ANO2: variants seen among roughly 807,000 people sequenced by gnomAD.
The protein encoded by ANO2 is anoctamin 2, also known as anoctamin-2.
Under a neutral mutation model 124.2 loss-of-function variants are expected in ANO2, and 101 were observed. That is an observed-to-expected ratio of 0.81 (90% CI 0.69 to 0.96). The LOEUF (loss-of-function observed/expected upper bound fraction) is 0.96. Ranked by LOEUF, ANO2 falls within the 40% of genes least tolerant of loss-of-function variation. The pLI, the probability that ANO2 is intolerant of heterozygous loss-of-function variation, is 0.00. For synonymous variants in ANO2, 486 were observed against 482.5 expected, an observed-to-expected ratio of 1.01 and a Z score of -0.09; for missense variants, 1,293 against 1,274.5, an observed-to-expected ratio of 1.01 and a Z score of -0.22.
intron 1 of ANO2, among the ~76,000 whole-genome samples, chr12:5,943,277 TTGTGTG>T (rs138167836): frequency 0.053 from 7,793 of 148,122 alleles, 541 homozygotes; most frequent in African/African-American, 0.16. Context: ...GAGTGTGTGT[TTGTGTG>T]TGTGTGTGTG....
At chr12:5,826,219 T>C (rs540922208) in intron 7 of ANO2, among the ~76,000 whole-genome samples, 11 of 152,220 alleles carry the variant, frequency 7.2e-5, no homozygotes, top group African/African-American at 2.6e-4. Context: ...TTACGTTAGG[T>C]GTAATTATGA....
At chr12:5,744,379 T>C in intron 11 of ANO2, 62 bp from the exon 12 acceptor site, 1 of 1,582,028 alleles carries the variant, frequency 6.3e-7, no homozygotes, top group Non-Finnish European at 8.7e-7. Flanking sequence ...CCAAGAAAAA[T>C]ACATCCCCCA....
intron 14 of ANO2, among the ~76,000 whole-genome samples, chr12:5,708,196 C>T (rs933137912): frequency 2.6e-5 from 4 of 152,192 alleles, no homozygotes; most frequent in Non-Finnish European, 2.9e-5. Flanking sequence ...GTCGTATCTA[C>T]ACCTCCTTCT....
chr12:5,567,560 C>G (rs892361660), intron 23 of ANO2, among the ~76,000 whole-genome samples: 2 of 152,248 alleles, frequency 1.3e-5, no homozygotes, highest in African/African-American at 4.8e-5. Flanking sequence ...CCAATCCCTA[C>G]TGCTACAATG....
intron 10 of ANO2, among the ~76,000 whole-genome samples, chr12:5,790,450 TCTC>T (rs1952665140): frequency 6.6e-6 from 1 of 152,132 alleles, no homozygotes; most frequent in Non-Finnish European, 1.5e-5. Context: ...CTTAGCCCCT[TCTC>T]AAGTCTCTTC....
chr12:5,610,182 C>A (rs1944430529), intron 19 of ANO2, among the ~76,000 whole-genome samples: 2 of 70,450 alleles, frequency 2.8e-5, no homozygotes, highest in South Asian at 6.4e-4. Context: ...TATATAAATA[C>A]TTATATAAAT....
chr12:5,913,838 C>A (rs1280583824), intron 3 of ANO2, among the ~76,000 whole-genome samples: 1 of 152,214 alleles, frequency 6.6e-6, no homozygotes, highest in Admixed American at 6.5e-5. Flanking sequence ...TAGATTAAAT[C>A]TCACTCTAAA....
At chr12:5,780,117 G>C (rs565030552) in intron 10 of ANO2, among the ~76,000 whole-genome samples, 1 of 152,268 alleles carries the variant, frequency 6.6e-6, no homozygotes, top group South Asian at 2.1e-4. Flanking sequence ...ATTACTTCAA[G>C]AGTAAAGTGG....
chr12:5,736,160 C>G (rs572353472), intron 13 of ANO2, among the ~76,000 whole-genome samples: 2 of 152,230 alleles, frequency 1.3e-5, no homozygotes, highest in Admixed American at 1.3e-4. Flanking sequence ...ACAGGCAGAC[C>G]TGCACTGGCC....
intron 3 of ANO2, among the ~76,000 whole-genome samples, chr12:5,905,523 A>T (rs1940616006): frequency 6.6e-6 from 1 of 152,182 alleles, no homozygotes. Context: ...GAGAGCAGGT[A>T]TTCCTGGCAA....
In ANO2 at chr12:5,603,944, C is replaced by CAAAAAAAAA. The variant is rs63415160; in HGVS notation, c.2088-4324_2088-4316dup. ...TGGGTGAAAGAGCGAGATTCCGTCT[C>CAAAAAAAAA]AAAAAAAAAAAAAAAAAAAAAGAAA... On this transcript the variant is annotated intron_variant, in intron 19 of 24. Coordinates refer to ENST00000682330, the MANE Select transcript of ANO2 (RefSeq NM_001364791.2). Among the ~76,000 whole-genome samples the CAAAAAAAAA allele has an allele frequency of 2.9e-3, 210 of 73,066 alleles. 1 individual carries two copies. The highest frequency in any genetic ancestry group is 0.012 in the Middle Eastern group (1 of 82). 47.9% of individuals were successfully genotyped at this position (73,066 alleles called of 152,430 possible). A position where few individuals can be genotyped will look rare whatever the true frequency, so the allele number is the denominator to read the frequency against.
At chr12:5,748,338 T>C (rs1050443275) in intron 11 of ANO2, among the ~76,000 whole-genome samples, 2 of 152,208 alleles carry the variant, frequency 1.3e-5, no homozygotes, top group Admixed American at 1.3e-4. Context: ...TGAGGCCAGA[T>C]GTCTAGGGAT....
At chr12:5,903,278 G>A (rs1405176570) in intron 3 of ANO2, among the ~76,000 whole-genome samples, 2 of 152,110 alleles carry the variant, frequency 1.3e-5, no homozygotes, top group East Asian at 3.9e-4. Context: ...CTTTGGACCT[G>A]ATATTAAGAA....
chr12:5,707,761 C>T (rs1405756917), intron 14 of ANO2, among the ~76,000 whole-genome samples: 1 of 152,220 alleles, frequency 6.6e-6, no homozygotes, highest in Non-Finnish European at 1.5e-5. Context: ...TCTCTCCTTC[C>T]TCTGAACAGA....
At chr12:5,901,280 A>C (rs1315974034) in intron 3 of ANO2, among the ~76,000 whole-genome samples, 2 of 152,188 alleles carry the variant, frequency 1.3e-5, no homozygotes, top group Non-Finnish European at 2.9e-5. Context: ...TTTGGACAGG[A>C]GCTTGCAATG....
intron 3 of ANO2, among the ~76,000 whole-genome samples, chr12:5,906,976 G>A (rs1413339761): frequency 6.6e-6 from 1 of 152,146 alleles, no homozygotes; most frequent in Non-Finnish European, 1.5e-5. Flanking sequence ...GATGATGGAT[G>A]GATGCAACAT....
At chr12:5,578,305 G>A (rs1942537876) in intron 21 of ANO2, 61 bp downstream of exon 21, 2 of 1,575,586 alleles carry the variant, frequency 1.3e-6, no homozygotes, top group South Asian at 1.2e-5. Flanking sequence ...TGTGACTGTG[G>A]CCAGAGGGGA....
chr12:5,605,382 A>G (rs1289023076), intron 19 of ANO2, among the ~76,000 whole-genome samples: 1 of 152,210 alleles, frequency 6.6e-6, no homozygotes, highest in Non-Finnish European at 1.5e-5. Context: ...AGTTTATGAA[A>G]TCTTACTAGC....
At chr12:5,845,866 G>C (rs1954670570) in intron 4 of ANO2, among the ~76,000 whole-genome samples, 1 of 152,162 alleles carries the variant, frequency 6.6e-6, no homozygotes, top group Admixed American at 6.5e-5. Context: ...TGTTGTGAAG[G>C]TGAAAACAAA....
Sources: allele counts gnomAD v4.1 joint callset (sites outside exome capture counted in the v4.1 genomes callset), GRCh38; gene constraint gnomAD v4.1.1; transcripts MANE v1.5; gene names NCBI Gene and HGNC (gene_info 2026-07-23, HGNC 2026-07-21).